The following TXNDC12 variants were observed in gnomAD, a reference collection of about 807,000 sequenced individuals.
TXNDC12 encodes the protein thioredoxin domain-containing protein 12.
TXNDC12 carries 22 observed loss-of-function variants against 24.2 expected under a neutral mutation model. The observed-to-expected ratio is 0.91, with a 90% CI of 0.65 to 1.30. The LOEUF is 1.30. Among genes scored for constraint, TXNDC12 ranks in the 50% most tolerant of loss-of-function variants. TXNDC12 has a pLI of 0.00. For missense variants in TXNDC12, 184 were observed against 205.8 expected, an observed-to-expected ratio of 0.89 and a Z score of 0.65; for synonymous variants, 58 against 73.4, an observed-to-expected ratio of 0.79 and a Z score of 1.07.
rs1357495272 is a variant in TXNDC12 at position 52,054,986 on chromosome 1, G to C, written c.97+14C>G. 1 of 1,592,994 alleles carries C rather than the reference G, an allele frequency of 6.3e-7. No individual in the cohort carries two copies. The highest frequency in any genetic ancestry group is 2.2e-5 in the East Asian group (1 of 44,768). On this transcript the variant is annotated intron_variant, in intron 1 of 6. Transcript: ENST00000371626. ...GTAAAGATCAGTAAAGAGAAGATAAGAACGCGGTCTGACCCTTTCCAAGCC... is the reference window on the plus strand; with the variant it reads ...GTAAAGATCAGTAAAGAGAAGATAACAACGCGGTCTGACCCTTTCCAAGCC...
chr1:52,023,958 A>G (rs1324540323), intron 5 of TXNDC12, among the ~76,000 whole-genome samples: 1 of 151,930 alleles, frequency 6.6e-6, no homozygotes, highest in African/African-American at 2.4e-5. Context: ...CTGATGCGCA[A>G]ATGGCTATTG....
chr1:52,040,966 T>C (rs1572007620), intron 2 of TXNDC12, among the ~76,000 whole-genome samples: 1 of 147,694 alleles, frequency 6.8e-6, no homozygotes, highest in Non-Finnish European at 1.5e-5. Context: ...ACCTGGGAGG[T>C]GGAGGTTGCA....
intron 1 of TXNDC12, 118 bp downstream of exon 1, chr1:52,054,882 G>T: frequency 1.4e-6 from 1 of 718,272 alleles, no homozygotes; most frequent in East Asian, 2.8e-5. Flanking sequence ...AAGATAAAAA[G>T]AAATCTGGAG....
At chr1:52,031,009 CTT>C (rs1685743626) in intron 2 of TXNDC12, among the ~76,000 whole-genome samples, 1 of 152,154 alleles carries the variant, frequency 6.6e-6, no homozygotes, top group Admixed American at 6.6e-5. Flanking sequence ...CCTTTACTGA[CTT>C]TATTCTACAG....
intron 1 of TXNDC12, among the ~76,000 whole-genome samples, chr1:52,050,652 A>G (rs1572012646): frequency 6.6e-6 from 1 of 152,340 alleles, no homozygotes; most frequent in East Asian, 1.9e-4. Flanking sequence ...GACATAGAAC[A>G]TAGTGGCTAA....
intron 2 of TXNDC12, among the ~76,000 whole-genome samples, chr1:52,040,924 T>C (rs1466832335): frequency 6.6e-6 from 1 of 151,632 alleles, no homozygotes; most frequent in African/African-American, 2.4e-5. Context: ...CTCAGCTACG[T>C]GGGAGGCTGA....
intron 1 of TXNDC12, among the ~76,000 whole-genome samples, chr1:52,041,924 TA>T (rs1686000461): frequency 6.6e-6 from 1 of 152,218 alleles, no homozygotes; most frequent in Non-Finnish European, 1.5e-5. Flanking sequence ...AGAGTAAACA[TA>T]AAGCAGGTCA....
At chr1:52,028,720 T>C (rs2124363288) in intron 2 of TXNDC12, 90 bp from the exon 3 acceptor site, 2 of 983,510 alleles carry the variant, frequency 2.0e-6, no homozygotes, top group East Asian at 5.2e-5. Context: ...ATTTCTGTAG[T>C]ATTATTTCAA....
upstream of TXNDC12, chr1:52,055,440 C>T (rs965461487): frequency 4.5e-5 from 12 of 268,892 alleles, no homozygotes; most frequent in African/African-American, 2.7e-4. Context: ...AGAACCGTTG[C>T]TCCTCGCGTC....
In TXNDC12 at chr1:52,027,275, C is replaced by T; in HGVS notation, c.285G>A (p.Glu95=). The change falls in exon 4 of 7, where the codon GAG becomes GAA. Residue 95 remains glutamate (E), a splice_region_variant and synonymous_variant. Transcript: ENST00000371626. ...AAAGGAGAAACTCTCAAAGTCTTACCTCAAGATTTACCATAACAAAATTAT... is the reference window on the plus strand; with the variant it reads ...AAAGGAGAAACTCTCAAAGTCTTACTTCAAGATTTACCATAACAAAATTAT... The part of the protein sequence containing the change: ...LSHNFVMVNL[E]DEEEPKDEDF... 1.2e-6 allele frequency: 2 copies of T among 1,608,268 alleles called. No individual in the cohort carries two copies. The highest frequency in any genetic ancestry group is 1.7e-6 in the Non-Finnish European group (2 of 1,175,330).
At chr1:52,031,429 G>T (rs984332466) in intron 2 of TXNDC12, among the ~76,000 whole-genome samples, 1 of 151,792 alleles carries the variant, frequency 6.6e-6, no homozygotes. Context: ...AAGTGCTGGG[G>T]TTACAGGCAT....
intron 4 of TXNDC12, among the ~76,000 whole-genome samples, chr1:52,026,787 G>A (rs1026596831): frequency 2.0e-5 from 3 of 152,112 alleles, no homozygotes; most frequent in Admixed American, 6.5e-5. Context: ...TGTAATCCTA[G>A]CACTTTGGGA....
intron 2 of TXNDC12, among the ~76,000 whole-genome samples, chr1:52,039,129 G>A (rs192791511): frequency 3.4e-4 from 49 of 143,740 alleles, no homozygotes; most frequent in African/African-American, 9.2e-4. Flanking sequence ...ATCTTGAAAC[G>A]ACAAGCAACT....
At chr1:52,031,138 C>T (rs1005520194) in intron 2 of TXNDC12, among the ~76,000 whole-genome samples, 2 of 151,936 alleles carry the variant, frequency 1.3e-5, no homozygotes, top group Non-Finnish European at 1.5e-5. Flanking sequence ...CATCCTCTGA[C>T]CACCAGCCCA....
chr1:52,036,843 C>T (rs1027077544), intron 2 of TXNDC12, among the ~76,000 whole-genome samples: 3 of 152,154 alleles, frequency 2.0e-5, no homozygotes, highest in Non-Finnish European at 4.4e-5. Flanking sequence ...TGAATTTATC[C>T]AAGATCATAT....
upstream of TXNDC12, chr1:52,055,249 T>A: frequency 1.6e-6 from 1 of 614,846 alleles, no homozygotes; most frequent in Non-Finnish European, 2.9e-6. Context: ...GTTAGACGGA[T>A]GTGGGTGGTG....
At chr1:52,035,432 C>T (rs999984295) in intron 2 of TXNDC12, among the ~76,000 whole-genome samples, 7 of 152,122 alleles carry the variant, frequency 4.6e-5, no homozygotes, top group South Asian at 4.1e-4. Context: ...AACACAGGCC[C>T]GGCATGGTGG....
intron 6 of TXNDC12, among the ~76,000 whole-genome samples, chr1:52,021,727 C>A (rs1242374453): frequency 1.3e-5 from 2 of 152,066 alleles, no homozygotes; most frequent in Non-Finnish European, 2.9e-5. Context: ...ACAAAGCACC[C>A]CTATATAATG....
At chr1:52,039,067 G>T (rs1685938723) in intron 2 of TXNDC12, among the ~76,000 whole-genome samples, 1 of 130,610 alleles carries the variant, frequency 7.7e-6, no homozygotes, top group African/African-American at 2.9e-5. Flanking sequence ...CATCTGGCCA[G>T]GCCAGAGCAA....
Sources: allele counts gnomAD v4.1 joint callset (sites outside exome capture counted in the v4.1 genomes callset), GRCh38; gene constraint gnomAD v4.1.1; transcripts MANE v1.5; gene names NCBI Gene and HGNC (gene_info 2026-07-23, HGNC 2026-07-21).